URB1: variants seen among roughly 807,000 people sequenced by gnomAD.
URB1 encodes URB1 ribosome biogenesis factor, also known as nucleolar pre-ribosomal-associated protein 1.
URB1 carries 197 observed loss-of-function variants against 242.3 expected under a neutral mutation model. That is an observed-to-expected ratio of 0.81 (90% CI 0.72 to 0.91). URB1 has a LOEUF of 0.91. Ranked by LOEUF, URB1 falls within the 40% of genes least tolerant of loss-of-function variation. The pLI is 0.00. For missense variants in URB1, 2,721 were observed against 2,860.5 expected (o/e 0.95, Z 1.11); for synonymous variants, 1,153 against 1,201.8 (o/e 0.96, Z 0.84).
chr21:32,335,421 A>T (rs1040464783), intron 28 of URB1: 2 of 152,328 alleles, frequency 1.3e-5, no homozygotes, highest in African/African-American at 2.4e-5. Flanking sequence ...CACTTTAAAA[A>T]TGTCTAAATT....
chr21:32,331,838 C>T (rs2032896850), intron 30 of URB1, among the ~76,000 whole-genome samples: 1 of 152,236 alleles, frequency 6.6e-6, no homozygotes, highest in South Asian at 2.1e-4. Context: ...GTTGGGGTGG[C>T]ATGAGAGAAG....
At chr21:32,365,354 G>A (rs1427596613) in intron 10 of URB1, among the ~76,000 whole-genome samples, 1 of 152,054 alleles carries the variant, frequency 6.6e-6, no homozygotes, top group Non-Finnish European at 1.5e-5. Context: ...AGGGGGCTGA[G>A]GTGTGAGGAA....
chr21:32,390,369 T>C (rs1446426719), intron 1 of URB1, among the ~76,000 whole-genome samples: 2 of 152,210 alleles, frequency 1.3e-5, no homozygotes, highest in Non-Finnish European at 2.9e-5. Context: ...CTTCCTCTGA[T>C]GGCCAGTGAT....
At chr21:32,358,572 T>C (rs1436118640) in intron 14 of URB1, among the ~76,000 whole-genome samples, 3 of 152,156 alleles carry the variant, frequency 2.0e-5, no homozygotes, top group Non-Finnish European at 4.4e-5. Flanking sequence ...AGGACAACCC[T>C]GAAAATGGTG....
In URB1 at chr21:32,325,243, G is replaced by A. The variant is rs768348614; in HGVS notation, c.5107C>T (p.Gln1703Ter). ...TTCCTACTTACCTGGGACTGCTCTT[G>A]GAACCGTGCGCCCTCCAAGTGCGAG... Reference protein sequence around the residue: ...YYSHLEGARFQEQSQLLYLLD... With the variant: ...YYSHLEGARF Residue 1703 changes from glutamine (Q) to a stop codon, truncating the protein, a stop_gained, in exon 31 of 39, where the codon CAA becomes TAA. Coordinates refer to ENST00000382751, the MANE Select transcript of URB1 (RefSeq NM_014825.3). LOFTEE classifies it high-confidence loss of function. 9.7e-6 allele frequency: 15 copies of A among 1,551,238 alleles called. No homozygotes were observed. The South Asian group carries it at 1.7e-4, about 17-fold the overall frequency.
chr21:32,374,416 C>T (rs1481297951), intron 6 of URB1, among the ~76,000 whole-genome samples: 1 of 152,124 alleles, frequency 6.6e-6, no homozygotes, highest in Non-Finnish European at 1.5e-5. Context: ...TGCAACTCCC[C>T]CAGTTCAGAA....
intron 26 of URB1, among the ~76,000 whole-genome samples, chr21:32,338,205 C>G (rs546920766): frequency 6.6e-6 from 1 of 152,154 alleles, no homozygotes; most frequent in Middle Eastern, 3.2e-3. Flanking sequence ...CTCTGACATC[C>G]GACCTGTGAG....
rs1467277770 is a variant in URB1, at chr21:32,361,201, A to AAGAAAGAAAGAAAGAG, written c.1640-79_1640-78insCTCTTTCTTTCTTTCT. On this transcript the variant is annotated intron_variant, in intron 12 of 38. Transcript: ENST00000382751. ...AAAGAAAGAAAGAAAGAAAGAAAGA[A>AAGAAAGAAAGAAAGAG]AGAAAATAGCTTGAATTAGAAAACA... The AAGAAAGAAAGAAAGAG allele has an allele frequency of 2.5e-5, 23 of 936,908 alleles. No individual in the cohort carries two copies. The African/African-American group carries it at 3.5e-4, about 14-fold the overall frequency. The allele number at this position is 936,908 out of a possible 1,614,324, so 58.0% of individuals were successfully genotyped here. A position where few individuals can be genotyped will look rare whatever the true frequency, so the allele number is the denominator to read the frequency against.
intron 10 of URB1, 54 bp from the exon 11 acceptor site, chr21:32,363,383 TA>T: frequency 1.3e-6 from 2 of 1,522,872 alleles, no homozygotes; most frequent in Non-Finnish European, 1.8e-6. Context: ...ACAGATTTGC[TA>T]AGCTATGGGC....
intron 17 of URB1, 81 bp downstream of exon 17, chr21:32,354,778 G>T: frequency 6.7e-7 from 1 of 1,497,828 alleles, no homozygotes; most frequent in Non-Finnish European, 9.0e-7. Flanking sequence ...CATTAGTGCA[G>T]TTCTTGTTCT....
rs200353731 is a variant in URB1, at chr21:32,368,386, A to G, written c.1197+17T>C. On this transcript the variant is annotated intron_variant, in intron 9 of 38. Transcript: ENST00000382751. ...CCCAGCTTAGCTAACAGACTTTTAA[A>G]TATCATGTTTTTTTACCTTGTTTAG... 2.0e-6 allele frequency: 3 copies of G among 1,519,260 alleles called. No individual in the cohort carries two copies. Among genetic ancestry groups the G allele is most frequent in the Non-Finnish European group, 2.7e-6 (3 of 1,131,768 alleles). 94.1% of individuals were successfully genotyped at this position (1,519,260 alleles called of 1,614,324 possible).
At chr21:32,315,573 G>A (rs931196325) in intron 38 of URB1, among the ~76,000 whole-genome samples, 6 of 152,284 alleles carry the variant, frequency 3.9e-5, no homozygotes, top group African/African-American at 1.4e-4. Flanking sequence ...TTATAGGTGT[G>A]AGCCACTGTG....
intron 20 of URB1, among the ~76,000 whole-genome samples, 173 bp from the exon 21 acceptor site, chr21:32,349,656 G>A (rs1357890675): frequency 6.6e-6 from 1 of 152,240 alleles, no homozygotes; most frequent in African/African-American, 2.4e-5. Context: ...TCTCAAATAA[G>A]AGATGTGTCT....
intron 32 of URB1, among the ~76,000 whole-genome samples, chr21:32,323,950 C>T (rs982301239): frequency 2.0e-5 from 3 of 152,056 alleles, no homozygotes; most frequent in Non-Finnish European, 4.4e-5. Flanking sequence ...GTGACAGTGC[C>T]AGACCGTGTC....
chr21:32,319,267 G>C lies in URB1; in HGVS notation c.5742C>G (p.His1914Gln), dbSNP rs368012003. The C allele has an allele frequency of 6.4e-7, 1 of 1,551,178 alleles. No individual in the cohort carries two copies. Among genetic ancestry groups the C allele is most frequent in the African/African-American group, 1.4e-5 (1 of 73,046 alleles). ...GAACATAAAGGAACTCATTGACCAG[G>C]TGCAGGGCAAGCCGCTTGGCAGGCT... ...SQEPAKRLAL[H>Q]LVNEFLYVLI... is the part of the protein sequence containing the mutation. Residue 1914 changes from histidine (H) to glutamine (Q), a missense_variant, in exon 36 of 39, where the codon CAC becomes CAG. Physicochemically the swap from His to Gln is conservative, Grantham distance 24 (BLOSUM62 0). Transcript: ENST00000382751.
At chr21:32,350,979 CG>C in intron 19 of URB1, 57 bp from the exon 20 acceptor site, 1 of 1,490,978 alleles carries the variant, frequency 6.7e-7, no homozygotes, top group South Asian at 1.2e-5. Context: ...CAGATGAAAA[CG>C]GTCATAGGCA....
At chr21:32,387,157 G>A (rs1177304006) in intron 1 of URB1, among the ~76,000 whole-genome samples, 1 of 151,948 alleles carries the variant, frequency 6.6e-6, no homozygotes, top group Non-Finnish European at 1.5e-5. Flanking sequence ...TACCCTTCCT[G>A]CAATTAATAC....
chr21:32,361,566 A>C (rs1474907434), intron 12 of URB1, among the ~76,000 whole-genome samples: 2 of 152,134 alleles, frequency 1.3e-5, no homozygotes, highest in Non-Finnish European at 2.9e-5. Context: ...CAAGGCTCTG[A>C]GCTCTATCTG....
In URB1 at chr21:32,372,532, C is replaced by T. The variant is rs769605726; in HGVS notation, c.976G>A (p.Asp326Asn). Residue 326 changes from aspartate to asparagine, a missense_variant, in exon 8 of 39, where the codon GAT becomes AAT. Transcript: ENST00000382751. ...CTGCCAAAGGTACCCAAAGATGCAT[C>T]GTAAAAATTAATTCCATGCTTGAGT... Reference protein sequence around the residue: ...CSLKHGINFYDASLGTFGRGG... With the variant: ...CSLKHGINFYNASLGTFGRGG... 1.9e-5 allele frequency: 30 copies of T among 1,551,528 alleles called. No individual in the cohort carries two copies. Among genetic ancestry groups the T allele is most frequent in the South Asian group, 3.6e-5 (3 of 84,042 alleles).
Sources: gnomAD v4.1 joint callset for allele counts (sites outside exome capture counted in the v4.1 genomes callset) on GRCh38, gnomAD v4.1.1 for gene constraint, MANE v1.5 for transcripts, NCBI Gene and HGNC (gene_info 2026-07-23, HGNC 2026-07-21) for gene names.